SGCZ: variants seen among roughly 807,000 people sequenced by gnomAD.
SGCZ encodes zeta-sarcoglycan.
In SGCZ, 40 loss-of-function variants were observed where a neutral mutation model predicts 41.3. That is an observed-to-expected ratio of 0.97 (90% CI 0.75 to 1.26). The LOEUF is 1.26. Among genes scored for constraint, SGCZ ranks in the 50% most tolerant of loss-of-function variants. The pLI is 0.00. For synonymous variants in SGCZ, 206 were observed against 137.5 expected (o/e 1.50, Z -3.49); for missense variants, 552 against 369.8 (o/e 1.49, Z -4.04).
intron 1 of SGCZ, among the ~76,000 whole-genome samples, chr8:14,945,863 G>C (rs1245338407): frequency 6.6e-6 from 1 of 150,506 alleles, no homozygotes; most frequent in Non-Finnish European, 1.5e-5. Context: ...CAAATTCAGA[G>C]TTACATCATC....
intron 1 of SGCZ, among the ~76,000 whole-genome samples, chr8:15,095,391 G>A (rs921730172): frequency 2.6e-5 from 4 of 152,028 alleles, no homozygotes; most frequent in East Asian, 3.9e-4. Flanking sequence ...GAGCCACTGC[G>A]CCCAGCCAAG....
intron 1 of SGCZ, among the ~76,000 whole-genome samples, chr8:14,710,201 T>TAAA (rs200986748): frequency 9.0e-5 from 12 of 133,528 alleles, no homozygotes; most frequent in African/African-American, 3.6e-4. Flanking sequence ...CCGTCTCTAC[T>TAAA]AAAAAAAACA....
At chr8:14,100,778 A>G (rs1370264739) in intron 7 of SGCZ, among the ~76,000 whole-genome samples, 1 of 151,886 alleles carries the variant, frequency 6.6e-6, no homozygotes, top group East Asian at 1.9e-4. Flanking sequence ...TAAAAAAGGA[A>G]TATTCCCCTT....
At chr8:14,816,094 A>G (rs914873382) in intron 1 of SGCZ, among the ~76,000 whole-genome samples, 9 of 152,232 alleles carry the variant, frequency 5.9e-5, no homozygotes, top group South Asian at 2.1e-4. Context: ...CCATTTCAAC[A>G]TGCAATTGGT....
intron 3 of SGCZ, among the ~76,000 whole-genome samples, chr8:14,243,995 C>A (rs57674106): frequency 0.33 from 49,902 of 151,998 alleles, 8,599 homozygotes; most frequent in Non-Finnish European, 0.39. Context: ...TTGTGTCACG[C>A]TTGACACATA....
At chr8:15,091,970 C>T (rs1416486101) in intron 1 of SGCZ, among the ~76,000 whole-genome samples, 1 of 151,986 alleles carries the variant, frequency 6.6e-6, no homozygotes. Flanking sequence ...CCCAGGCTGG[C>T]CTCGAAATCC....
At chr8:14,231,231 CAGAG>C (rs763690394) in intron 4 of SGCZ, among the ~76,000 whole-genome samples, 20 of 80,054 alleles carry the variant, frequency 2.5e-4, no homozygotes, top group Admixed American at 4.8e-4. Context: ...GAGAGAGAGA[CAGAG>C]AGAGAGAGAG....
At chr8:14,287,277 G>C (rs1346272445) in intron 3 of SGCZ, among the ~76,000 whole-genome samples, 2 of 151,576 alleles carry the variant, frequency 1.3e-5, no homozygotes, top group African/African-American at 4.8e-5. Flanking sequence ...TAGGAAAAAA[G>C]GCGAAAAGGT....
intron 4 of SGCZ, among the ~76,000 whole-genome samples, chr8:14,167,925 T>C (rs1017318240): frequency 7.9e-5 from 12 of 152,192 alleles, no homozygotes; most frequent in Admixed American, 2.6e-4. Flanking sequence ...TGGAAATTTT[T>C]CTTCTATTAC....
chr8:14,428,809 GGATATAAGTTCACATGTA>G (rs1260259782), intron 2 of SGCZ, among the ~76,000 whole-genome samples: 3 of 152,110 alleles, frequency 2.0e-5, no homozygotes, highest in African/African-American at 7.2e-5. Flanking sequence ...TCCTGCACAT[GGATATAAGTTCACATGTA>G]GATATAAGTT....
chr8:14,653,113 C>T (rs888924663), intron 1 of SGCZ, among the ~76,000 whole-genome samples: 5 of 152,032 alleles, frequency 3.3e-5, no homozygotes, highest in African/African-American at 1.2e-4. Context: ...AAATATTACT[C>T]TCTCAATCCA....
intron 1 of SGCZ, among the ~76,000 whole-genome samples, chr8:14,902,364 C>T (rs932627349): frequency 6.6e-6 from 1 of 151,994 alleles, no homozygotes; most frequent in Non-Finnish European, 1.5e-5. Flanking sequence ...TCATTTTGAC[C>T]CCTGCGACTT....
chr8:14,881,209 C>T (rs1242658031), intron 1 of SGCZ, among the ~76,000 whole-genome samples: 1 of 152,018 alleles, frequency 6.6e-6, no homozygotes, highest in Non-Finnish European at 1.5e-5. Context: ...TTAATAATGA[C>T]AAGTATGTTT....
At chr8:14,847,628 A>C (rs1198530516) in intron 1 of SGCZ, among the ~76,000 whole-genome samples, 1 of 143,966 alleles carries the variant, frequency 6.9e-6, no homozygotes, top group African/African-American at 2.5e-5. Flanking sequence ...CTTTATAAAG[A>C]GGGAAGGAAG....
intron 5 of SGCZ, among the ~76,000 whole-genome samples, chr8:14,135,242 T>G (rs1322938264): frequency 2.0e-5 from 3 of 152,234 alleles, no homozygotes; most frequent in Non-Finnish European, 4.4e-5. Flanking sequence ...TCAAAGCTTT[T>G]TCACCTGTGT....
intron 1 of SGCZ, among the ~76,000 whole-genome samples, chr8:15,218,894 C>T (rs889829565): frequency 2.4e-4 from 36 of 152,114 alleles, no homozygotes; most frequent in African/African-American, 8.7e-4. Context: ...ATCACTTGCC[C>T]AAGGTCACAC....
In SGCZ at chr8:14,851,318, A is replaced by G. The variant is rs186467308; in HGVS notation, c.40-296392T>C. ...TGGGAGGCAGAGCTTGCAGTAAGCC[A>G]AGATCATGCCACTGCACTCCAGCCT... On this transcript the variant is annotated intron_variant, in intron 1 of 7. Transcript: ENST00000382080. 5.3e-5 allele frequency among the ~76,000 whole-genome samples: 8 copies of G among 149,978 alleles called. No homozygotes were observed. In the East Asian group the frequency reaches 9.9e-4, roughly 19 times the overall value.
chr8:14,087,756 G>A lies in SGCZ; in HGVS notation c.*2687C>T, dbSNP rs1041367088. On this transcript the variant is annotated 3_prime_UTR_variant, in exon 8 of 8. Coordinates refer to ENST00000382080, the MANE Select transcript of SGCZ (RefSeq NM_139167.4). ...TTTTTTGTGTTTGAATGTGGAAAAC[G>A]AGGACATTTGGGGCCATTCTTCTAA... is the stretch of plus-strand genomic sequence containing the variant. Among the ~76,000 whole-genome samples, 5 of 151,346 alleles carry A rather than the reference G, an allele frequency of 3.3e-5. No individual in the cohort carries two copies. Among genetic ancestry groups the A allele is most frequent in the South Asian group, 2.1e-4 (1 of 4,820 alleles).
At chr8:14,858,614 T>G (rs1181691385) in intron 1 of SGCZ, among the ~76,000 whole-genome samples, 1 of 152,184 alleles carries the variant, frequency 6.6e-6, no homozygotes, top group Non-Finnish European at 1.5e-5. Context: ...AGTTGCAATG[T>G]GTAATCTGAA....
Sources: allele counts gnomAD v4.1 joint callset (sites outside exome capture counted in the v4.1 genomes callset), GRCh38; gene constraint gnomAD v4.1.1; transcripts MANE v1.5; gene names NCBI Gene and HGNC (gene_info 2026-07-23, HGNC 2026-07-21).